Variants in PTPRT observed in about 807,000 individuals in gnomAD.
The protein encoded by PTPRT is receptor-type tyrosine-protein phosphatase T.
A neutral mutation model predicts 176.8 loss-of-function variants in PTPRT; 56 were observed. The observed-to-expected ratio is 0.32, with a 90% confidence interval of 0.26 to 0.40. PTPRT has a LOEUF of 0.40. Among genes scored for constraint, PTPRT ranks in the 10% least tolerant of loss-of-function variants. The probability of loss-of-function intolerance (pLI) is 1.00; values close to 1 mark genes in which losing one functional copy is unlikely to be tolerated. For missense variants in PTPRT, 1,540 were observed against 1,908.2 expected (o/e 0.81, Z 3.60); for synonymous variants, 783 against 739.0 (o/e 1.06, Z -0.96).
At chr20:42,862,494 G>A (rs989016830) in intron 2 of PTPRT, among the ~76,000 whole-genome samples, 29 of 152,162 alleles carry the variant, frequency 1.9e-4, no homozygotes, top group African/African-American at 6.5e-4. Context: ...GGGTCCACCT[G>A]CTGAGTCTCC....
At chr20:43,137,793 C>A (rs988629421) in intron 1 of PTPRT, among the ~76,000 whole-genome samples, 1 of 152,204 alleles carries the variant, frequency 6.6e-6, no homozygotes, top group South Asian at 2.1e-4. Flanking sequence ...CGCGTACACA[C>A]ACACATGCAC....
intron 1 of PTPRT, among the ~76,000 whole-genome samples, chr20:43,048,494 G>A (rs889969881): frequency 6.6e-6 from 1 of 152,050 alleles, no homozygotes; most frequent in Non-Finnish European, 1.5e-5. Context: ...AGAGGTTCAG[G>A]GGGCCCACCT....
At chr20:42,858,843 T>C (rs2078610651) in intron 2 of PTPRT, among the ~76,000 whole-genome samples, 3 of 152,158 alleles carry the variant, frequency 2.0e-5, no homozygotes, top group Admixed American at 1.3e-4. Context: ...ACAGACAAGA[T>C]AGCCAAAATC....
intron 1 of PTPRT, among the ~76,000 whole-genome samples, chr20:43,035,993 G>A (rs1256685281): frequency 6.6e-6 from 1 of 152,104 alleles, no homozygotes; most frequent in Non-Finnish European, 1.5e-5. Context: ...TCACACACCA[G>A]TAACACTCAT....
At chr20:43,103,818 C>CA (rs1184075302) in intron 1 of PTPRT, among the ~76,000 whole-genome samples, 4 of 150,844 alleles carry the variant, frequency 2.7e-5, no homozygotes, top group Admixed American at 2.0e-4. Context: ...AAAAAAATCT[C>CA]AAAAAAACAC....
At chr20:42,954,160 G>A (rs1019776655) in intron 1 of PTPRT, among the ~76,000 whole-genome samples, 1 of 152,138 alleles carries the variant, frequency 6.6e-6, no homozygotes, top group Non-Finnish European at 1.5e-5. Flanking sequence ...TGGTCTCAGC[G>A]AGACTAACTC....
At chr20:42,743,957 C>G (rs1489424317) in intron 6 of PTPRT, among the ~76,000 whole-genome samples, 1 of 152,228 alleles carries the variant, frequency 6.6e-6, no homozygotes, top group Non-Finnish European at 1.5e-5. Flanking sequence ...TTTTACTCTA[C>G]CTCCTTTTCT....
chr20:43,013,756 A>G (rs140395370), intron 1 of PTPRT, among the ~76,000 whole-genome samples: 37 of 152,266 alleles, frequency 2.4e-4, no homozygotes, highest in African/African-American at 8.2e-4. Context: ...GATACCCTAC[A>G]CTGTGCTATC....
At chr20:43,155,810 CG>C (rs1321912439) in intron 1 of PTPRT, among the ~76,000 whole-genome samples, 10 of 151,688 alleles carry the variant, frequency 6.6e-5, no homozygotes, top group Non-Finnish European at 1.0e-4. Context: ...TTTTTTCTGT[CG>C]ATTTAAAAAA....
intron 9 of PTPRT, among the ~76,000 whole-genome samples, chr20:42,435,902 T>C (rs1046816021): frequency 6.6e-6 from 1 of 152,120 alleles, no homozygotes; most frequent in South Asian, 2.1e-4. Context: ...TGACTATGCA[T>C]GGTTACAGTG....
intron 1 of PTPRT, among the ~76,000 whole-genome samples, chr20:42,975,263 T>G (rs750052955): frequency 6.6e-6 from 1 of 152,076 alleles, no homozygotes; most frequent in Non-Finnish European, 1.5e-5. Context: ...TTTAATAACA[T>G]GAGAGAAGTG....
intron 2 of PTPRT, among the ~76,000 whole-genome samples, chr20:42,795,605 G>A (rs1485888548): frequency 6.6e-6 from 1 of 152,272 alleles, no homozygotes; most frequent in Non-Finnish European, 1.5e-5. Flanking sequence ...CTGCAGACAG[G>A]TGGCCCCGCC....
intron 12 of PTPRT, among the ~76,000 whole-genome samples, chr20:42,305,043 T>G (rs2145327334): frequency 6.6e-6 from 1 of 152,294 alleles, no homozygotes; most frequent in Non-Finnish European, 1.5e-5. Flanking sequence ...TATAAGATTC[T>G]TAGACTAATT....
rs1433889966 is a variant in PTPRT, at chr20:42,694,096, C to T, written c.860-15937G>A. Among the ~76,000 whole-genome samples, 12 of 148,384 alleles carry T rather than the reference C, an allele frequency of 8.1e-5. No homozygotes were observed. The South Asian group carries it at 8.5e-4, about 11-fold the overall frequency. Reference sequence around the variant, plus strand: ...CTCTGTCGCCCAGGCTGGAGTGCAGCGGCGCGATCTCAGCTCACTGCAACC... The same window carrying T: ...CTCTGTCGCCCAGGCTGGAGTGCAGTGGCGCGATCTCAGCTCACTGCAACC... On this transcript the variant is annotated intron_variant, in intron 6 of 30. Coordinates refer to ENST00000373187, the MANE Select transcript of PTPRT (RefSeq NM_007050.6).
chr20:42,858,123 T>C (rs1052038190), intron 2 of PTPRT, among the ~76,000 whole-genome samples: 1 of 152,180 alleles, frequency 6.6e-6, no homozygotes, highest in East Asian at 1.9e-4. Flanking sequence ...CCTACCTGTC[T>C]ACCTATTAGA....
At chr20:43,079,202 C>A (rs1256407690) in intron 1 of PTPRT, among the ~76,000 whole-genome samples, 1 of 120,930 alleles carries the variant, frequency 8.3e-6, no homozygotes, top group Admixed American at 9.1e-5. Context: ...CCCTCTCTCC[C>A]TCTCTATTTC....
intron 2 of PTPRT, among the ~76,000 whole-genome samples, chr20:42,857,012 C>A (rs1415169869): frequency 6.6e-6 from 1 of 152,136 alleles, no homozygotes; most frequent in Non-Finnish European, 1.5e-5. Flanking sequence ...GCTACATGCC[C>A]AACAAACAGA....
intron 9 of PTPRT, among the ~76,000 whole-genome samples, chr20:42,387,131 C>T (rs998129130): frequency 6.6e-6 from 1 of 152,150 alleles, no homozygotes; most frequent in African/African-American, 2.4e-5. Flanking sequence ...TTATACCAAG[C>T]CTGGTTATAT....
chr20:42,310,266 C>T (rs1298180944), intron 12 of PTPRT, among the ~76,000 whole-genome samples: 2 of 151,858 alleles, frequency 1.3e-5, no homozygotes, highest in Non-Finnish European at 2.9e-5. Flanking sequence ...GGAAAATGAG[C>T]CTATCAGAGA....
Sources: gnomAD v4.1 joint callset for allele counts (sites outside exome capture counted in the v4.1 genomes callset) on GRCh38, gnomAD v4.1.1 for gene constraint, MANE v1.5 for transcripts, NCBI Gene and HGNC (gene_info 2026-07-23, HGNC 2026-07-21) for gene names.